The following ARHGAP17 variants were observed in gnomAD, a reference collection of about 807,000 sequenced individuals.
ARHGAP17 encodes the protein Rho GTPase activating protein 17, also known as rho GTPase-activating protein 17.
ARHGAP17 carries 57 observed loss-of-function variants against 99.5 expected under a neutral mutation model. The ratio of observed to expected loss-of-function variants is 0.57; its 90% CI spans 0.46 to 0.71. The LOEUF is 0.71. Among genes scored for constraint, ARHGAP17 ranks in the 30% least tolerant of loss-of-function variants. The pLI is 0.00. For synonymous variants in ARHGAP17, 417 were observed against 429.6 expected (o/e 0.97, Z 0.36); for missense variants, 1,000 against 1,122.4 (o/e 0.89, Z 1.56).
At chr16:25,004,203 T>C (rs911508142) in intron 1 of ARHGAP17, among the ~76,000 whole-genome samples, 3 of 152,110 alleles carry the variant, frequency 2.0e-5, no homozygotes, top group African/African-American at 7.2e-5. Flanking sequence ...ATGGGAGAGT[T>C]GTTTGAGGCC....
intron 3 of ARHGAP17, 42 bp from the exon 4 acceptor site, chr16:24,970,622 T>C (rs1397994632): frequency 1.3e-6 from 2 of 1,527,994 alleles, no homozygotes; most frequent in Non-Finnish European, 1.8e-6. Flanking sequence ...CATTATTTGA[T>C]ACCCATTCTC....
intron 3 of ARHGAP17, among the ~76,000 whole-genome samples, chr16:24,974,267 C>A (rs1432405847): frequency 6.6e-6 from 1 of 152,166 alleles, no homozygotes; most frequent in Non-Finnish European, 1.5e-5. Context: ...CCTGTCTCTA[C>A]TAAAAATACA....
In ARHGAP17 at chr16:24,930,861, G is replaced by C. The variant is rs763988665; in HGVS notation, c.2438C>G (p.Pro813Arg). The C allele has an allele frequency of 5.6e-6, 9 of 1,613,944 alleles. No homozygotes were observed. The highest frequency in any genetic ancestry group is 1.7e-5 in the Admixed American group (1 of 59,988). The change falls in exon 19 of 20, where the codon CCC becomes CGC. Residue 813 changes from proline to arginine, a missense_variant. By Grantham distance (103) the Pro-to-Arg change is moderately radical (BLOSUM62 -2). Coordinates refer to ENST00000289968, the MANE Select transcript of ARHGAP17 (RefSeq NM_001006634.3). ...AGCTGAGTGGACACCAGGAGGTTGG[G>C]GGGGTGGGGGCACGCTGGGCCGGTT... Reference protein sequence around the residue: ...PRNRPSVPPPPQPPGVHSAGD... With the variant: ...PRNRPSVPPPRQPPGVHSAGD...
intron 1 of ARHGAP17, among the ~76,000 whole-genome samples, chr16:25,004,100 C>T (rs2053445426): frequency 6.6e-6 from 1 of 152,160 alleles, no homozygotes; most frequent in South Asian, 2.1e-4. Context: ...TATCTCTACC[C>T]TTGGAATTCT....
At chr16:24,924,233 T>G (rs1597351217) in intron 19 of ARHGAP17, among the ~76,000 whole-genome samples, 1 of 152,298 alleles carries the variant, frequency 6.6e-6, no homozygotes, top group East Asian at 1.9e-4. Context: ...AAAGGTTATT[T>G]TAGAAAGACA....
chr16:24,921,411 G>A (rs1277634818), intron 19 of ARHGAP17, among the ~76,000 whole-genome samples: 4 of 152,280 alleles, frequency 2.6e-5, no homozygotes, highest in Middle Eastern at 3.4e-3. Context: ...TTGTGGGGGC[G>A]TTTCACAGTT....
At chr16:24,952,475 G>A in intron 11 of ARHGAP17, 105 bp from the exon 12 acceptor site, 2 of 807,782 alleles carry the variant, frequency 2.5e-6, no homozygotes, top group South Asian at 3.7e-5. Flanking sequence ...GATCTTCCAA[G>A]GTGTACATAA....
intron 3 of ARHGAP17, among the ~76,000 whole-genome samples, chr16:24,974,431 AAAAC>A (rs1055591529): frequency 4.1e-4 from 63 of 152,234 alleles, no homozygotes; most frequent in Middle Eastern, 3.4e-3. Context: ...TCCATCTCAA[AAAAC>A]AAACAAACAA....
intron 1 of ARHGAP17, among the ~76,000 whole-genome samples, chr16:24,988,656 T>C (rs1309219279): frequency 6.6e-6 from 1 of 152,196 alleles, no homozygotes; most frequent in Non-Finnish European, 1.5e-5. Flanking sequence ...AGGTTTATCG[T>C]TTTCCTGCAC....
At chr16:24,958,237 A>AAAAC (rs35513128) in intron 9 of ARHGAP17, among the ~76,000 whole-genome samples, 74,341 of 151,272 alleles carry the variant, frequency 0.49, 19,643 homozygotes, top group African/African-American at 0.7. Context: ...TTGTCTCTTT[A>AAAAC]AAACAAACAA....
chr16:24,974,307 T>A (rs750708849), intron 3 of ARHGAP17, among the ~76,000 whole-genome samples: 65 of 152,318 alleles, frequency 4.3e-4, no homozygotes, highest in Non-Finnish European at 6.2e-4. Flanking sequence ...GGCGTGCACC[T>A]GTAGTCCCAG....
intron 19 of ARHGAP17, among the ~76,000 whole-genome samples, chr16:24,921,868 CT>C (rs1194872229): frequency 8.5e-5 from 13 of 152,324 alleles, no homozygotes; most frequent in African/African-American, 2.6e-4. Flanking sequence ...CAAAGGTGGT[CT>C]GTATGCACAG....
chr16:25,009,715 T>C (rs1031270738), intron 1 of ARHGAP17, among the ~76,000 whole-genome samples: 5 of 152,162 alleles, frequency 3.3e-5, no homozygotes, highest in Admixed American at 6.5e-5. Context: ...TCAGAATTTA[T>C]AGCTGCTGCA....
intron 18 of ARHGAP17, among the ~76,000 whole-genome samples, chr16:24,933,137 C>T (rs2051040264): frequency 6.6e-6 from 1 of 151,906 alleles, no homozygotes; most frequent in Non-Finnish European, 1.5e-5. Context: ...ATGTGGACTC[C>T]CTGAATGCTT....
chr16:25,012,409 A>G (rs1462094782), intron 1 of ARHGAP17, among the ~76,000 whole-genome samples: 1 of 152,236 alleles, frequency 6.6e-6, no homozygotes, highest in Non-Finnish European at 1.5e-5. Context: ...ATCTCACTGC[A>G]AGACACCACC....
chr16:24,931,137 T>G lies in ARHGAP17; in HGVS notation c.2162A>C (p.Gln721Pro). The G allele has an allele frequency of 6.2e-7, 1 of 1,604,960 alleles. No homozygotes were observed. Among genetic ancestry groups the G allele is most frequent in the Non-Finnish European group, 8.5e-7 (1 of 1,175,936 alleles). Residue 721 changes from glutamine (Q) to proline (P), a missense_variant, in exon 19 of 20, where the codon CAG becomes CCG. Around this residue, in one of 2 missense-constraint regions of ARHGAP17, gnomAD observed 528 missense variants for 511.4 expected, o/e 1.03. Coordinates refer to ENST00000289968, the MANE Select transcript of ARHGAP17 (RefSeq NM_001006634.3). ...TTTGGTGTGCATCAGTGGCGTGGCC[T>G]GCGTAGGGGGCTGCGGCGGTGGGTG... ...PNHPPPQPPT[Q>P]ATPLMHTKPN...
intron 1 of ARHGAP17, among the ~76,000 whole-genome samples, chr16:25,010,097 A>G (rs913391336): frequency 2.0e-5 from 3 of 150,440 alleles, no homozygotes; most frequent in Admixed American, 6.6e-5. Flanking sequence ...TTTTTTTGAG[A>G]CAGGGTCTTG....
At chr16:24,960,272 C>T (rs563910886) in intron 7 of ARHGAP17, among the ~76,000 whole-genome samples, 2 of 152,298 alleles carry the variant, frequency 1.3e-5, no homozygotes, top group South Asian at 4.1e-4. Flanking sequence ...TGGCCGGGCA[C>T]GATGGCTCAT....
intron 9 of ARHGAP17, 72 bp from the exon 10 acceptor site, chr16:24,954,802 A>G (rs546217651): frequency 9.4e-5 from 149 of 1,580,332 alleles, no homozygotes; most frequent in Admixed American, 4.2e-4. Context: ...CTCCCCAACT[A>G]CCCAATGGGC....
Sources: allele counts gnomAD v4.1 joint callset (sites outside exome capture counted in the v4.1 genomes callset), GRCh38; gene constraint gnomAD v4.1.1; regional missense constraint gnomAD v4.1.1; transcripts MANE v1.5; gene names NCBI Gene and HGNC (gene_info 2026-07-23, HGNC 2026-07-21).